The following NEXN variants were observed in gnomAD, a reference collection of about 807,000 sequenced individuals.
The protein encoded by NEXN is nexilin F-actin binding protein, also known as nexilin.
In NEXN, 65 loss-of-function variants were observed where a neutral mutation model predicts 92.6. That is an observed-to-expected ratio of 0.70 (90% CI 0.57 to 0.86). The LOEUF (loss-of-function observed/expected upper bound fraction) is 0.86, where lower values mean the gene tolerates loss of function less well. NEXN is among the 40% of genes least tolerant of loss of function. The pLI, the probability that NEXN is intolerant of heterozygous loss-of-function variation, is 0.00. For synonymous variants in NEXN, 254 were observed against 242.5 expected (o/e 1.05, Z -0.44); for missense variants, 778 against 771.1 (o/e 1.01, Z -0.11).
chr1:77,931,158 C>T (rs578047581), intron 9 of NEXN, among the ~76,000 whole-genome samples: 5 of 146,522 alleles, frequency 3.4e-5, no homozygotes, highest in African/African-American at 1.3e-4. Context: ...GAGGCCGAGG[C>T]GGGCGGATCA....
intron 11 of NEXN, among the ~76,000 whole-genome samples, chr1:77,939,810 T>C (rs543020328): frequency 6.6e-6 from 1 of 152,352 alleles, no homozygotes; most frequent in African/African-American, 2.4e-5. Context: ...CGGTGGTTTA[T>C]GCCTGTAATT....
At chr1:77,891,671 T>C (rs1349366972) in intron 1 of NEXN, among the ~76,000 whole-genome samples, 1 of 147,306 alleles carries the variant, frequency 6.8e-6, no homozygotes, top group African/African-American at 2.5e-5. Flanking sequence ...TCATTTAGAC[T>C]AAGGCTATGG....
chr1:77,933,894 G>A (rs370766453), intron 10 of NEXN, among the ~76,000 whole-genome samples: 20 of 152,088 alleles, frequency 1.3e-4, no homozygotes, highest in African/African-American at 4.3e-4. Flanking sequence ...TCCTTTTTGT[G>A]GTGTGAACAT....
At chr1:77,941,027 T>C (rs1311111467) in intron 11 of NEXN, among the ~76,000 whole-genome samples, 2 of 152,168 alleles carry the variant, frequency 1.3e-5, no homozygotes, top group Non-Finnish European at 2.9e-5. Flanking sequence ...GGAAATGAGG[T>C]AGGTACAAGG....
chr1:77,913,844 AT>A (rs1350790171), intron 1 of NEXN, among the ~76,000 whole-genome samples: 2 of 152,226 alleles, frequency 1.3e-5, no homozygotes, highest in Non-Finnish European at 2.9e-5. Flanking sequence ...CCAAGATGTC[AT>A]TTGGTAGGTG....
At chr1:77,915,750 G>T (rs1648927076) in intron 1 of NEXN, among the ~76,000 whole-genome samples, 1 of 152,166 alleles carries the variant, frequency 6.6e-6, no homozygotes. Flanking sequence ...ACTACCTTCA[G>T]CTAGTTAATA....
chr1:77,926,339 A>C lies in NEXN; in HGVS notation c.490-75A>C, dbSNP rs191857514. ...GATGACAGTGTAATGAAATTCACCT[A>C]TGATGGAGGTAAAGTCCCATGAAAC... On this transcript the variant is annotated intron_variant, in intron 6 of 12. Coordinates refer to ENST00000334785, the MANE Select transcript of NEXN (RefSeq NM_144573.4). The C allele has an allele frequency of 3.3e-5, 31 of 939,224 alleles. No individual in the cohort carries two copies. In the Admixed American group the frequency reaches 6.8e-4, roughly 20 times the overall value. 58.2% of individuals were successfully genotyped at this position (939,224 alleles called of 1,614,324 possible).
rs931868227 is a variant in NEXN, at chr1:77,938,241, A to G, written c.1473+2197A>G. On this transcript the variant is annotated intron_variant, in intron 11 of 12. Transcript: ENST00000334785. The stretch of plus-strand genomic sequence containing the variant: ...TTAGTTGTAGATAAACCTTTTCATC[A>G]TTGCCAAAAGCAAACACCATTTCTA... Among the ~76,000 whole-genome samples the G allele has an allele frequency of 5.9e-5, 9 of 152,348 alleles. No individual in the cohort carries two copies. The East Asian group carries it at 1.7e-3, about 29-fold the overall frequency.
chr1:77,906,803 T>A (rs1034770385), intron 1 of NEXN, among the ~76,000 whole-genome samples: 4 of 151,944 alleles, frequency 2.6e-5, no homozygotes, highest in Non-Finnish European at 5.9e-5. Context: ...TACAGGGACA[T>A]GCCACCACAC....
Position 77,943,871 on chromosome 1 carries a change from A to C in NEXN, c.*1042A>C, listed in dbSNP as rs1299629839. On this transcript the variant is annotated 3_prime_UTR_variant, in exon 13 of 13. Coordinates refer to ENST00000334785, the MANE Select transcript of NEXN (RefSeq NM_144573.4). ...AATTTTATTTTACAACGTGAACCCA[A>C]ATAAAGTAACTTCTGTATTTAAAAG... 6.4e-6 allele frequency: 1 copy of C among 156,834 alleles called. No individual in the cohort carries two copies. Among genetic ancestry groups the C allele is most frequent in the Non-Finnish European group, 1.4e-5 (1 of 70,826 alleles). The allele number at this position is 156,834 out of a possible 1,614,324, so 9.7% of individuals were successfully genotyped here. A position where few individuals can be genotyped will look rare whatever the true frequency, so the allele number is the denominator to read the frequency against.
chr1:77,935,313 C>T (rs1404695364), intron 10 of NEXN, among the ~76,000 whole-genome samples: 1 of 152,354 alleles, frequency 6.6e-6, no homozygotes, highest in Admixed American at 6.5e-5. Context: ...GCTGGGATTA[C>T]AGGCGTGAGC....
chr1:77,927,756 C>T (rs377254726), intron 8 of NEXN, among the ~76,000 whole-genome samples: 1 of 151,510 alleles, frequency 6.6e-6, no homozygotes, highest in South Asian at 2.1e-4. Context: ...TTAAATCTCT[C>T]TTAGTTTCTT....
intron 1 of NEXN, among the ~76,000 whole-genome samples, chr1:77,889,750 G>T (rs1017820241): frequency 6.6e-6 from 1 of 152,168 alleles, no homozygotes; most frequent in African/African-American, 2.4e-5. Context: ...GAGAAAAGAA[G>T]CCATAATAAA....
intron 11 of NEXN, among the ~76,000 whole-genome samples, chr1:77,939,735 CTATCA>C (rs953703589): frequency 6.6e-6 from 1 of 152,158 alleles, no homozygotes; most frequent in African/African-American, 2.4e-5. Flanking sequence ...GAAGTCCCTC[CTATCA>C]TATCTTTCTG....
intron 9 of NEXN, among the ~76,000 whole-genome samples, chr1:77,932,262 C>T (rs1403933417): frequency 6.6e-6 from 1 of 152,142 alleles, no homozygotes; most frequent in Non-Finnish European, 1.5e-5. Flanking sequence ...GTTTGAATCC[C>T]AGCTTTGCCA....
At position 77,903,225 on chromosome 1, in the gene NEXN, GA is replaced by G. The variant is rs879657473; in HGVS notation, c.-52-12818del. ...GGGCTGTTATCCTATCATAAGAAAT[GA>G]AAAAAAAAAAAGAGAGAAATCAGAA... On this transcript the variant is annotated intron_variant, in intron 1 of 12. Coordinates refer to ENST00000334785, the MANE Select transcript of NEXN (RefSeq NM_144573.4). Among the ~76,000 whole-genome samples, 973 of 135,690 alleles carry G rather than the reference GA, an allele frequency of 7.2e-3. 3 individuals are homozygous for G. Among genetic ancestry groups the G allele is most frequent in the Admixed American group, 0.011 (144 of 13,484 alleles). 89.0% of individuals were successfully genotyped at this position (135,690 alleles called of 152,430 possible).
At chr1:77,924,938 G>C (rs1384490889) in intron 5 of NEXN, among the ~76,000 whole-genome samples, 1 of 152,116 alleles carries the variant, frequency 6.6e-6, no homozygotes, top group Admixed American at 6.5e-5. Context: ...GGGATTACAG[G>C]CATGAGCCAC....
rs1169139688 is a variant in NEXN at position 77,933,221 on chromosome 1, A to G, written c.1054-61A>G. On this transcript the variant is annotated intron_variant, in intron 9 of 12. Coordinates refer to ENST00000334785, the MANE Select transcript of NEXN (RefSeq NM_144573.4). The stretch of plus-strand genomic sequence containing the variant: ...AAAAGAAATCCCAGTTTCTTCAAGA[A>G]ATAGTCCCTTTTTAGTATGTGTAAT... The G allele has an allele frequency of 5.6e-6, 6 of 1,074,508 alleles. No homozygotes were observed. The Admixed American group carries it at 1.2e-4, about 22-fold the overall frequency. The allele number at this position is 1,074,508 out of a possible 1,614,324, so 66.6% of individuals were successfully genotyped here.
In NEXN at chr1:77,916,122, C is replaced by A; in HGVS notation, c.16C>A (p.Gln6Lys). Reference protein sequence around the residue: MNDISQKAEILLSSSK... With the variant: MNDISKKAEILLSSSK... ...TAGAGCAAACATGAATGATATTTCC[C>A]AAAAGGCTGAGGTAAGTCTCAAAAG... The change falls in exon 2 of 13, where the codon CAA (glutamine) becomes AAA (lysine). Residue 6 changes from glutamine (Q) to lysine (K), a missense_variant. Transcript: ENST00000334785. 1 of 1,605,912 alleles carries A rather than the reference C, an allele frequency of 6.2e-7. No homozygotes were observed. Among genetic ancestry groups the A allele is most frequent in the African/African-American group, 1.3e-5 (1 of 74,670 alleles).
Sources: gnomAD v4.1 joint callset for allele counts (sites outside exome capture counted in the v4.1 genomes callset) on GRCh38, gnomAD v4.1.1 for gene constraint, MANE v1.5 for transcripts, NCBI Gene and HGNC (gene_info 2026-07-23, HGNC 2026-07-21) for gene names.